Variants in KCNH3 observed in about 807,000 individuals in gnomAD.
KCNH3 encodes potassium voltage-gated channel subfamily H member 3.
KCNH3 carries 36 observed loss-of-function variants against 95.6 expected under a neutral mutation model. The ratio of observed to expected loss-of-function variants is 0.38; its 90% confidence interval spans 0.29 to 0.50. The LOEUF is 0.50. Ranked by LOEUF, KCNH3 falls within the 20% of genes least tolerant of loss-of-function variation. The pLI is 0.95. For missense variants in KCNH3, 1,030 were observed against 1,484.1 expected, an observed-to-expected ratio of 0.69 and a Z score of 5.03; for synonymous variants, 620 against 646.3, an observed-to-expected ratio of 0.96 and a Z score of 0.62.
At chr12:49,552,178 C>T (rs1020703941) in intron 10 of KCNH3, among the ~76,000 whole-genome samples, 13 of 152,322 alleles carry the variant, frequency 8.5e-5, no homozygotes, top group African/African-American at 1.2e-4. Flanking sequence ...GCAGGATTGA[C>T]GAGTGGATTA....
chr12:49,552,745 C>T (rs1394575330), intron 10 of KCNH3, among the ~76,000 whole-genome samples: 1 of 152,192 alleles, frequency 6.6e-6, no homozygotes, highest in African/African-American at 2.4e-5. Context: ...TCCTGTTTCT[C>T]ATTTTCTCCC....
In KCNH3 at chr12:49,557,561, G is replaced by A; in HGVS notation, c.2860G>A (p.Gly954Ser). The change falls in exon 15 of 15, where the codon GGC becomes AGC. Residue 954 changes from glycine (G) to serine (S), a missense_variant. Physicochemically the swap from Gly to Ser is moderately conservative, Grantham distance 56 (BLOSUM62 0). Coordinates refer to ENST00000257981, the MANE Select transcript of KCNH3 (RefSeq NM_012284.3). ...ASSYCLQPPA[G>S]SVLSGTWPHP... Reference sequence around the variant, plus strand: ...CTCCTACTGCCTGCAGCCCCCAGCTGGCTCTGTCTTGAGTGGGACTTGGCC... The same window carrying A: ...CTCCTACTGCCTGCAGCCCCCAGCTAGCTCTGTCTTGAGTGGGACTTGGCC... 1.2e-6 allele frequency: 2 copies of A among 1,612,338 alleles called. No individual in the cohort carries two copies. The highest frequency in any genetic ancestry group is 1.7e-6 in the Non-Finnish European group (2 of 1,179,966).
At chr12:49,556,872 G>A in intron 13 of KCNH3, 1 of 624,908 alleles carries the variant, frequency 1.6e-6, no homozygotes, top group Admixed American at 2.2e-5. Context: ...CCAGGCCAGG[G>A]AAGTGGACAA....
At chr12:49,543,853 G>A in intron 5 of KCNH3, 62 bp from the exon 6 acceptor site, 4 of 1,563,014 alleles carry the variant, frequency 2.6e-6, no homozygotes, top group Non-Finnish European at 3.5e-6. Context: ...GTGAGCAGGT[G>A]TCCAGGCAAG....
chr12:49,543,344 C>G lies in KCNH3; in HGVS notation c.649C>G (p.Leu217Val). 6.2e-7 allele frequency: 1 copy of G among 1,613,766 alleles called. No homozygotes were observed. The highest frequency in any genetic ancestry group is 8.5e-7 in the Non-Finnish European group (1 of 1,180,022). The change falls in exon 5 of 15, where the codon CTG (leucine) becomes GTG (valine). Residue 217 changes from leucine (L) to valine (V), a missense_variant. Leu to Val is a conservative substitution (Grantham distance 32, BLOSUM62 1). Coordinates refer to ENST00000257981, the MANE Select transcript of KCNH3 (RefSeq NM_012284.3). The stretch of plus-strand genomic sequence containing the variant: ...CGCCATCCGGAAGTCGCCCTTCATC[C>G]TGTTGCACTGTGGGGCACTGAGAGC... Reference protein sequence around the residue: ...VAAIRKSPFILLHCGALRATW... With the variant: ...VAAIRKSPFIVLHCGALRATW...
chr12:49,549,504 G>A lies in KCNH3; in HGVS notation c.1532G>A (p.Arg511His). The A allele has an allele frequency of 6.2e-7, 1 of 1,613,738 alleles. No individual in the cohort carries two copies. The highest frequency in any genetic ancestry group is 8.5e-7 in the Non-Finnish European group (1 of 1,180,042). ...TAIIQRMYAR[R>H]FLYHSRTRDL... ...ATCATCCAGCGCATGTACGCCCGCC[G>A]CTTTCTGTACCACAGCCGCACGCGC... The change falls in exon 9 of 15, where the codon CGC becomes CAC. Residue 511 changes from arginine (R) to histidine (H), a missense_variant. Around this residue, in one of 9 missense-constraint regions of KCNH3, gnomAD observed 160 missense variants for 316.2 expected, o/e 0.51. Transcript: ENST00000257981.
Position 49,549,454 on chromosome 12 carries a change from G to T in KCNH3, c.1482G>T (p.Ala494=). ...CTMLIGALMH[A]VVFGNVTAII... ...ACCCTCCCCCAGCCCTGATGCACGC[G>T]GTGGTGTTTGGGAACGTGACGGCCA... Residue 494 remains alanine, a synonymous_variant, in exon 9 of 15, where the codon GCG becomes GCT. Coordinates refer to ENST00000257981, the MANE Select transcript of KCNH3 (RefSeq NM_012284.3). 8.1e-6 allele frequency: 13 copies of T among 1,613,478 alleles called. No individual in the cohort carries two copies. The highest frequency in any genetic ancestry group is 1.1e-5 in the Non-Finnish European group (13 of 1,179,998).
chr12:49,550,054 C>A (rs781314616), intron 9 of KCNH3, 26 bp from the exon 10 acceptor site: 4 of 1,529,450 alleles, frequency 2.6e-6, no homozygotes, highest in South Asian at 2.4e-5. Context: ...CCCAACCCCC[C>A]CACCCCCGCA....
rs1592495583 is a variant in KCNH3, at chr12:49,539,643, C to T, written c.76+151C>T. 1.5e-6 allele frequency: 1 copy of T among 673,038 alleles called. No individual in the cohort carries two copies. Among genetic ancestry groups the T allele is most frequent in the Non-Finnish European group, 2.4e-6 (1 of 411,114 alleles). 41.7% of individuals were successfully genotyped at this position (673,038 alleles called of 1,614,324 possible). Reference sequence around the variant, plus strand: ...CCTCTTGAGGCTGGGGCCATCGTCTCCTGCTAGGCGCTGTTTCCCCGAAGG... The same window carrying T: ...CCTCTTGAGGCTGGGGCCATCGTCTTCTGCTAGGCGCTGTTTCCCCGAAGG... On this transcript the variant is annotated intron_variant, in intron 1 of 14. Coordinates refer to ENST00000257981, the MANE Select transcript of KCNH3 (RefSeq NM_012284.3). The surrounding 1 kb of genome is among the most constrained non-coding windows in gnomAD (Gnocchi z 6.7).
intron 11 of KCNH3, among the ~76,000 whole-genome samples, 192 bp from the exon 12 acceptor site, chr12:49,555,428 C>G (rs1938403009): frequency 7.0e-6 from 1 of 143,676 alleles, no homozygotes. Context: ...GCCTGGGCGA[C>G]AGAGTAAGAC....
intron 9 of KCNH3, 29 bp from the exon 10 acceptor site, chr12:49,550,051 C>T (rs1938207118): frequency 2.7e-6 from 4 of 1,509,126 alleles, no homozygotes; most frequent in African/African-American, 2.7e-5. Context: ...ACTCCCAACC[C>T]CCCCACCCCC....
In KCNH3 at chr12:49,544,285, G is replaced by A; in HGVS notation, c.1092G>A (p.Met364Ile). The A allele has an allele frequency of 6.2e-7, 1 of 1,611,716 alleles. No homozygotes were observed. Among genetic ancestry groups the A allele is most frequent in the Non-Finnish European group, 8.5e-7 (1 of 1,179,646 alleles). ...QYSAVVLTLL[M>I]AVFALLAHWV... ...GCGCCGTGGTGCTGACACTGCTCAT[G>A]GCCGTGTTCGCCCTGCTCGCGCACT... Residue 364 changes from methionine (M) to isoleucine (I), a missense_variant, in exon 7 of 15, where the codon ATG (methionine) becomes ATA (isoleucine). Physicochemically the swap from Met to Ile is conservative, Grantham distance 10 (BLOSUM62 1). Around this residue, in one of 9 missense-constraint regions of KCNH3, gnomAD observed 153 missense variants for 288.5 expected, o/e 0.53. Transcript: ENST00000257981.
intron 1 of KCNH3, among the ~76,000 whole-genome samples, chr12:49,540,686 T>A (rs1565772909): frequency 6.6e-6 from 1 of 152,242 alleles, no homozygotes; most frequent in East Asian, 1.9e-4. Flanking sequence ...AGTTCACATG[T>A]GCTGATCCTT....
chr12:49,541,163 CT>C (rs1289976116), intron 2 of KCNH3, 31 bp downstream of exon 2: 8 of 1,541,452 alleles, frequency 5.2e-6, no homozygotes, highest in Admixed American at 1.7e-5. Context: ...CCTGCCTCAC[CT>C]TTGCAGTCTC....
At position 49,543,322 on chromosome 12, in the gene KCNH3, C is replaced by T; in HGVS notation, c.627C>T (p.Ala209=). 6.2e-7 allele frequency: 1 copy of T among 1,613,874 alleles called. No homozygotes were observed. Among genetic ancestry groups the T allele is most frequent in the Non-Finnish European group, 8.5e-7 (1 of 1,180,046 alleles). ...KPNLPEYKVA[A]IRKSPFILLH... ...ACTTGCCTGAGTACAAAGTAGCCGC[C>T]ATCCGGAAGTCGCCCTTCATCCTGT... is the stretch of plus-strand genomic sequence containing the variant. Residue 209 remains alanine (A), a synonymous_variant, in exon 5 of 15, where the codon GCC becomes GCT. Coordinates refer to ENST00000257981, the MANE Select transcript of KCNH3 (RefSeq NM_012284.3).
chr12:49,554,981 G>C (rs1938384259), intron 11 of KCNH3, among the ~76,000 whole-genome samples: 1 of 152,134 alleles, frequency 6.6e-6, no homozygotes, highest in African/African-American at 2.4e-5. Context: ...AATTTCCCTG[G>C]ATTGTCACTA....
Position 49,557,268 on chromosome 12 carries a change from G to A in KCNH3, c.2652+9G>A. Reference sequence around the variant, plus strand: ...ACAAGCTTCGGCAGGCGGTGGGTGAGGGGGAAGGTGGAGGTGAGGGGGGCA... The same window carrying A: ...ACAAGCTTCGGCAGGCGGTGGGTGAAGGGGAAGGTGGAGGTGAGGGGGGCA... On this transcript the variant is annotated intron_variant, in intron 14 of 14. Coordinates refer to ENST00000257981, the MANE Select transcript of KCNH3 (RefSeq NM_012284.3). 1 of 1,613,962 alleles carries A rather than the reference G, an allele frequency of 6.2e-7. No individual in the cohort carries two copies. Among genetic ancestry groups the A allele is most frequent in the Non-Finnish European group, 8.5e-7 (1 of 1,179,992 alleles).
At position 49,543,334 on chromosome 12, in the gene KCNH3, G is replaced by A. The variant is rs769636885; in HGVS notation, c.639G>A (p.Ser213=). ...ACAAAGTAGCCGCCATCCGGAAGTC[G>A]CCCTTCATCCTGTTGCACTGTGGGG... ...PEYKVAAIRK[S]PFILLHCGAL... Residue 213 remains serine (S), a synonymous_variant, in exon 5 of 15, where the codon TCG becomes TCA. Coordinates refer to ENST00000257981, the MANE Select transcript of KCNH3 (RefSeq NM_012284.3). 8.7e-6 allele frequency: 14 copies of A among 1,613,738 alleles called. No homozygotes were observed. The South Asian group carries it at 1.2e-4, about 14-fold the overall frequency.
rs1347385004 is a variant in KCNH3 at position 49,549,151 on chromosome 12, C to T, written c.1446C>T (p.Ser482=). 3 of 1,606,532 alleles carry T rather than the reference C, an allele frequency of 1.9e-6. No individual in the cohort carries two copies. Among genetic ancestry groups the T allele is most frequent in the Non-Finnish European group, 1.7e-6 (2 of 1,176,312 alleles). ...ACACGGACACCGAGAAGATCTTCTC[C>T]ATCTGCACCATGCTCATCGGCGGTG... ...SANTDTEKIF[S]ICTMLIGALM... is the part of the protein sequence containing the mutation. Residue 482 remains serine (S), a synonymous_variant, in exon 8 of 15, where the codon TCC becomes TCT. Transcript: ENST00000257981.
Sources: allele counts gnomAD v4.1 joint callset (sites outside exome capture counted in the v4.1 genomes callset), GRCh38; gene constraint gnomAD v4.1.1; regional missense constraint gnomAD v4.1.1; non-coding constraint Gnocchi (gnomAD v3.1); transcripts MANE v1.5; gene names NCBI Gene and HGNC (gene_info 2026-07-23, HGNC 2026-07-21).